Variants in CD5 observed in about 807,000 individuals in gnomAD.
CD5 encodes the protein T-cell surface glycoprotein CD5.
CD5 carries 36 observed loss-of-function variants against 60.3 expected under a neutral mutation model. That is an observed-to-expected ratio of 0.60 (90% CI 0.46 to 0.79). The LOEUF is 0.79. CD5 is among the 30% of genes least tolerant of loss of function. CD5 has a pLI of 0.00. For synonymous variants in CD5, 230 were observed against 257.6 expected, an observed-to-expected ratio of 0.89 and a Z score of 1.03; for missense variants, 540 against 630.6, an observed-to-expected ratio of 0.86 and a Z score of 1.54.
intron 6 of CD5, 33 bp from the exon 7 acceptor site, chr11:61,122,874 C>A: frequency 6.3e-7 from 1 of 1,590,982 alleles, no homozygotes. Flanking sequence ...CCCCCCAGGA[C>A]TGGGACTGAC....
chr11:61,113,428 G>T (rs1860887635), intron 1 of CD5, among the ~76,000 whole-genome samples: 3 of 152,222 alleles, frequency 2.0e-5, no homozygotes, highest in Non-Finnish European at 4.4e-5. Context: ...GCTTCCACGT[G>T]GTCCACATGG....
intron 2 of CD5, among the ~76,000 whole-genome samples, chr11:61,117,582 G>T (rs1282864281): frequency 6.6e-6 from 1 of 151,902 alleles, no homozygotes; most frequent in Non-Finnish European, 1.5e-5. Flanking sequence ...TCTGCCTCCC[G>T]GGTTCAAGCA....
rs749089969 is a variant in CD5, at chr11:61,121,819, G to A, written c.1014G>A (p.Arg338=). The change falls in exon 6 of 11, where the codon CGG becomes CGA. Residue 338 remains arginine (R), a synonymous_variant. Transcript: ENST00000347785. ...RVLDAGDPTS[R]GLFCPHQKLS... is the part of the protein sequence containing the mutation. ...TGGACGCTGGTGACCCAACATCCCG[G>A]GGGCTCTTCTGTCCCCATCAGAAGC... The A allele has an allele frequency of 1.2e-6, 2 of 1,608,242 alleles. No homozygotes were observed. The highest frequency in any genetic ancestry group is 4.5e-5 in the East Asian group (2 of 44,588).
Position 61,125,103 on chromosome 11 carries a change from A to G in CD5, c.1351A>G (p.Asn451Asp), listed in dbSNP as rs1418371357. The change falls in exon 9 of 11, where the codon AAC (asparagine) becomes GAC (aspartate). Residue 451 changes from asparagine (N) to aspartate (D), a missense_variant. Physicochemically the swap from Asn to Asp is conservative, Grantham distance 23. Transcript: ENST00000347785. The stretch of plus-strand genomic sequence containing the variant: ...GAACCCCACAGCCTCCCACGTGGAT[A>G]ACGAATACAGCCAACCTCCCAGGAA... Reference protein sequence around the residue: ...AENPTASHVDNEYSQPPRNSH... With the variant: ...AENPTASHVDDEYSQPPRNSH... The G allele has an allele frequency of 6.2e-7, 1 of 1,614,130 alleles. No individual in the cohort carries two copies. Among genetic ancestry groups the G allele is most frequent in the Non-Finnish European group, 8.5e-7 (1 of 1,179,990 alleles).
rs1442591524 is a variant in CD5 at position 61,115,073 on chromosome 11, CG to C, written c.75del (p.Leu26SerfsTer59). ...TTCTGCAGTCGCTTCCTGCCTCGGA[CG>C]GCTCAGCTGGTATGACCCAGGTAAG... The part of the protein sequence containing the change: ...LGMLVASCLG[R>X]LSWYDPDFQA... On this transcript the variant is annotated frameshift_variant, in exon 2 of 11. Transcript: ENST00000347785. LOFTEE classifies it high-confidence loss of function. 1.3e-6 allele frequency: 2 copies of C among 1,558,766 alleles called. No homozygotes were observed. The highest frequency in any genetic ancestry group is 1.7e-6 in the Non-Finnish European group (2 of 1,150,668).
In CD5 at chr11:61,126,638, G is replaced by A. The variant is rs992791739; in HGVS notation, c.*353G>A. On this transcript the variant is annotated 3_prime_UTR_variant, in exon 11 of 11. Transcript: ENST00000347785. Reference sequence around the variant, plus strand: ...CTCCTCAGACTCTGTCCCTGGTAAGGAGTGACAAGGAAGCTCACAGCTGGG... The same window carrying A: ...CTCCTCAGACTCTGTCCCTGGTAAGAAGTGACAAGGAAGCTCACAGCTGGG... 2.0e-5 allele frequency: 3 copies of A among 152,294 alleles called. No individual in the cohort carries two copies. The highest frequency in any genetic ancestry group is 2.9e-5 in the Non-Finnish European group (2 of 68,070). The allele number at this position is 152,294 out of a possible 1,614,324, so 9.4% of individuals were successfully genotyped here.
In CD5 at chr11:61,121,774, C is replaced by T. The variant is rs34821010; in HGVS notation, c.969C>T (p.Ser323=). The part of the protein sequence containing the change: ...EEVCREQQCG[S]VNSYRVLDAG... ...TGTGCCGGGAGCAGCAGTGTGGCAG[C>T]GTCAACTCCTATCGAGTGCTGGACG... The change falls in exon 6 of 11, where the codon AGC becomes AGT. Residue 323 remains serine, a synonymous_variant. Transcript: ENST00000347785. 1.8e-3 allele frequency: 2,906 copies of T among 1,612,332 alleles called. 52 individuals are homozygous for T. The African/African-American group carries it at 0.032, about 18-fold the overall frequency.
intron 6 of CD5, among the ~76,000 whole-genome samples, 185 bp from the exon 7 acceptor site, chr11:61,122,722 G>A (rs1439122425): frequency 6.6e-6 from 1 of 152,240 alleles, no homozygotes; most frequent in Non-Finnish European, 1.5e-5. Context: ...GGGTGGGTGA[G>A]TGGGTAGCAG....
At chr11:61,124,970 G>A (rs908980435) in intron 8 of CD5, 62 bp from the exon 9 acceptor site, 34 of 1,607,702 alleles carry the variant, frequency 2.1e-5, no homozygotes, top group Non-Finnish European at 2.7e-5. Flanking sequence ...CTGGGCACCT[G>A]CTGGGGAAGG....
At chr11:61,103,215 G>T (rs946717218) in intron 1 of CD5, among the ~76,000 whole-genome samples, 1 of 152,184 alleles carries the variant, frequency 6.6e-6, no homozygotes, top group Non-Finnish European at 1.5e-5. Flanking sequence ...ATGAGTACAC[G>T]CTGGGCCTGC....
intron 1 of CD5, among the ~76,000 whole-genome samples, chr11:61,105,289 C>T (rs952843984): frequency 1.2e-4 from 19 of 152,174 alleles, no homozygotes; most frequent in African/African-American, 4.1e-4. Context: ...CTGGCCTAGC[C>T]GATGCGACTC....
rs114534223 is a variant in CD5, at chr11:61,109,378, G to A, written c.56-5678G>A. On this transcript the variant is annotated intron_variant, in intron 1 of 10. Coordinates refer to ENST00000347785, the MANE Select transcript of CD5 (RefSeq NM_014207.4). ...GGCGACCGTAAGGTGCCAGCGAGGCGTGGACGAAACAGAAGTCAAGGGCCA... is the reference window on the plus strand; with the variant it reads ...GGCGACCGTAAGGTGCCAGCGAGGCATGGACGAAACAGAAGTCAAGGGCCA... Among the ~76,000 whole-genome samples, 853 of 152,334 alleles carry A rather than the reference G, an allele frequency of 5.6e-3. 15 individuals carry two copies. The highest frequency in any genetic ancestry group is 0.019 in the African/African-American group (797 of 41,578).
chr11:61,110,560 G>GGGT (rs1160538243), intron 1 of CD5, among the ~76,000 whole-genome samples: 1 of 152,244 alleles, frequency 6.6e-6, no homozygotes, highest in Non-Finnish European at 1.5e-5. Flanking sequence ...TTGCACACCA[G>GGGT]GGTGGTGCAG....
chr11:61,094,071 G>C, the CD5 span, among the ~76,000 whole-genome samples: 1 of 152,092 alleles, frequency 6.6e-6, no homozygotes, highest in Admixed American at 6.5e-5. Context: ...CCCTGACCAG[G>C]AAGCAAAGTG....
At chr11:61,099,944 A>C (rs547232137), upstream of CD5, among the ~76,000 whole-genome samples, 1 of 151,106 alleles carries the variant, frequency 6.6e-6, no homozygotes, top group African/African-American at 2.4e-5. Flanking sequence ...ATCAACATGG[A>C]GATCACACAC....
At chr11:61,101,498 C>T (rs1386575245), upstream of CD5, among the ~76,000 whole-genome samples, 1 of 150,626 alleles carries the variant, frequency 6.6e-6, no homozygotes. Context: ...GGGGATTACA[C>T]ACACATCAAC....
chr11:61,108,924 G>T (rs1223021242), intron 1 of CD5, among the ~76,000 whole-genome samples: 5 of 152,144 alleles, frequency 3.3e-5, no homozygotes, highest in Non-Finnish European at 7.4e-5. Flanking sequence ...TATTATCATC[G>T]GTCATTATCA....
intron 1 of CD5, among the ~76,000 whole-genome samples, chr11:61,111,906 C>T (rs193127667): frequency 5.6e-4 from 85 of 152,354 alleles, no homozygotes; most frequent in African/African-American, 8.4e-4. Flanking sequence ...ATCTTCACAA[C>T]GGCTCTAGAA....
chr11:61,100,984 C>A (rs867569468), upstream of CD5, among the ~76,000 whole-genome samples: 2 of 111,984 alleles, frequency 1.8e-5, no homozygotes, highest in Admixed American at 9.3e-5. Flanking sequence ...TCACACACAT[C>A]AACATGGAGA....
Sources: allele counts gnomAD v4.1 joint callset (sites outside exome capture counted in the v4.1 genomes callset), GRCh38; gene constraint gnomAD v4.1.1; transcripts MANE v1.5; gene names NCBI Gene and HGNC (gene_info 2026-07-23, HGNC 2026-07-21).